ZFHX3: variants seen among roughly 807,000 people sequenced by gnomAD.
The protein encoded by ZFHX3 is zinc finger homeobox protein 3.
ZFHX3 carries 42 observed loss-of-function variants against 279.1 expected under a neutral mutation model. The observed-to-expected ratio is 0.15, with a 90% confidence interval of 0.12 to 0.19. The LOEUF (loss-of-function observed/expected upper bound fraction) is 0.19. ZFHX3 is among the 10% of genes least tolerant of loss of function. The pLI, the probability that ZFHX3 is intolerant of heterozygous loss-of-function variation, is 1.00. For synonymous variants in ZFHX3, 2,293 were observed against 1,957.8 expected (o/e 1.17, Z -4.52); for missense variants, 4,981 against 4,754.0 (o/e 1.05, Z -1.40).
At chr16:72,909,589 G>A (rs2039267652) in intron 3 of ZFHX3, among the ~76,000 whole-genome samples, 1 of 152,158 alleles carries the variant, frequency 6.6e-6, no homozygotes, top group African/African-American at 2.4e-5. Context: ...TGAAACTCAA[G>A]TTAAGAGCCA....
At chr16:73,230,180 T>C (rs1231861732) in intron 5 of ZFHX3, among the ~76,000 whole-genome samples, 1 of 152,170 alleles carries the variant, frequency 6.6e-6, no homozygotes, top group African/African-American at 2.4e-5. Flanking sequence ...TATAAATGAA[T>C]ATTGGTAGAT....
intron 4 of ZFHX3, among the ~76,000 whole-genome samples, chr16:73,266,734 A>T (rs533533732): frequency 6.6e-6 from 1 of 152,350 alleles, no homozygotes; most frequent in East Asian, 1.9e-4. Context: ...TTCTCATGAT[A>T]GTGAATAAGT....
chr16:73,719,836 T>C (rs571474235), intron 1 of ZFHX3, among the ~76,000 whole-genome samples: 2 of 149,656 alleles, frequency 1.3e-5, no homozygotes, highest in Non-Finnish European at 3.0e-5. Context: ...TTTCTCCGTG[T>C]TGGTCAGGCT....
intron 1 of ZFHX3, among the ~76,000 whole-genome samples, chr16:73,817,705 G>A (rs1440881660): frequency 3.3e-5 from 5 of 152,200 alleles, no homozygotes; most frequent in Non-Finnish European, 7.3e-5. Context: ...CAGCATTCCT[G>A]TTGCAGAGTG....
At chr16:73,079,303 T>TC in intron 8 of ZFHX3, among the ~76,000 whole-genome samples, 1 of 151,812 alleles carries the variant, frequency 6.6e-6, no homozygotes, top group Non-Finnish European at 1.5e-5. Flanking sequence ...GGTGGGCAGA[T>TC]CACTTGAGGT....
In ZFHX3 at chr16:73,589,360, C is replaced by T. The variant is rs548218166; in HGVS notation, c.-1547+90820G>A. 4.7e-5 allele frequency among the ~76,000 whole-genome samples: 7 copies of T among 147,966 alleles called. No homozygotes were observed. In the East Asian group the frequency reaches 8.0e-4, roughly 17 times the overall value. On this transcript the variant is annotated intron_variant, in intron 2 of 17. Coordinates refer to the ZFHX3 transcript ENST00000641206. ...CTGAAGTAGGATGATCACTTGAGCC[C>T]GAGAGGTTAAGATTGCAGTGTGCTA... is the stretch of plus-strand genomic sequence containing the variant.
intron 1 of ZFHX3, among the ~76,000 whole-genome samples, chr16:73,753,181 T>C (rs564036339): frequency 6.6e-6 from 1 of 152,286 alleles, no homozygotes; most frequent in East Asian, 1.9e-4. Context: ...GTTACAGTGC[T>C]ATTGGCTGTG....
intron 5 of ZFHX3, among the ~76,000 whole-genome samples, chr16:73,186,661 G>A (rs908889674): frequency 4.0e-5 from 6 of 150,618 alleles, no homozygotes; most frequent in African/African-American, 7.4e-5. Flanking sequence ...AATGGGGGTC[G>A]CATTTCGATG....
chr16:73,404,967 C>T (rs2017330074), intron 3 of ZFHX3, among the ~76,000 whole-genome samples: 1 of 152,194 alleles, frequency 6.6e-6, no homozygotes, highest in African/African-American at 2.4e-5. Context: ...CACGGAGTCA[C>T]ATCATCCTTA....
intron 2 of ZFHX3, among the ~76,000 whole-genome samples, chr16:73,531,023 G>A (rs1355816870): frequency 1.3e-5 from 2 of 152,206 alleles, no homozygotes; most frequent in Non-Finnish European, 2.9e-5. Context: ...GGGGTATACA[G>A]TATTTTTGGT....
intron 4 of ZFHX3, among the ~76,000 whole-genome samples, chr16:73,304,103 T>G (rs1054942783): frequency 3.3e-5 from 5 of 152,140 alleles, no homozygotes; most frequent in Admixed American, 1.3e-4. Flanking sequence ...TGCCCTTCTC[T>G]GGCAGCCTCC....
At chr16:73,473,348 A>C (rs1420284022) in intron 2 of ZFHX3, among the ~76,000 whole-genome samples, 4 of 53,678 alleles carry the variant, frequency 7.5e-5, no homozygotes, top group Non-Finnish European at 7.8e-5. Context: ...GCAAAAAAAA[A>C]AAAAAAAAAC....
intron 3 of ZFHX3, among the ~76,000 whole-genome samples, chr16:73,342,942 C>G (rs2016061239): frequency 6.6e-6 from 1 of 152,134 alleles, no homozygotes. Flanking sequence ...AGAGTTCTGA[C>G]CAGGTACCCT....
chr16:72,932,978 C>G (rs985135033), intron 3 of ZFHX3, among the ~76,000 whole-genome samples: 1 of 152,204 alleles, frequency 6.6e-6, no homozygotes, highest in Non-Finnish European at 1.5e-5. Context: ...CCCAGGCAGC[C>G]TGACACCAGG....
At chr16:73,076,458 G>A (rs1489984071) in intron 8 of ZFHX3, among the ~76,000 whole-genome samples, 2 of 152,200 alleles carry the variant, frequency 1.3e-5, no homozygotes, top group African/African-American at 4.8e-5. Context: ...AGGAATGCAA[G>A]TGCCTAGCAG....
intron 3 of ZFHX3, among the ~76,000 whole-genome samples, chr16:73,347,017 A>G (rs2016136423): frequency 6.6e-6 from 1 of 152,200 alleles, no homozygotes; most frequent in African/African-American, 2.4e-5. Context: ...TGAAGCTCAG[A>G]GCCATAAAAT....
At chr16:72,935,152 C>A (rs1467638038) in intron 3 of ZFHX3, among the ~76,000 whole-genome samples, 1 of 152,204 alleles carries the variant, frequency 6.6e-6, no homozygotes, top group East Asian at 1.9e-4. Flanking sequence ...AAAGTCACTG[C>A]CCTAAAGAAG....
intron 8 of ZFHX3, among the ~76,000 whole-genome samples, chr16:73,066,291 G>T (rs943906900): frequency 7.2e-5 from 11 of 152,084 alleles, no homozygotes; most frequent in Non-Finnish European, 1.2e-4. Flanking sequence ...TATAGCGCAG[G>T]CCCCTTCCCT....
chr16:73,763,034 T>C (rs1194256838), intron 1 of ZFHX3, among the ~76,000 whole-genome samples: 2 of 152,144 alleles, frequency 1.3e-5, no homozygotes, highest in Non-Finnish European at 2.9e-5. Context: ...CCCCTAAATA[T>C]TTCCCCACTA....
Sources: allele counts gnomAD v4.1 joint callset (sites outside exome capture counted in the v4.1 genomes callset), GRCh38; gene constraint gnomAD v4.1.1; transcripts MANE v1.5; gene names NCBI Gene and HGNC (gene_info 2026-07-23, HGNC 2026-07-21).